RHOBTB3: variants seen among roughly 807,000 people sequenced by gnomAD.
The protein encoded by RHOBTB3 is rho-related BTB domain-containing protein 3.
Under a neutral mutation model 67.2 loss-of-function variants are expected in RHOBTB3, and 47 were observed. The observed-to-expected ratio is 0.70, with a 90% CI of 0.55 to 0.89. The LOEUF (loss-of-function observed/expected upper bound fraction) is 0.89. Among genes scored for constraint, RHOBTB3 ranks in the 40% least tolerant of loss-of-function variants. RHOBTB3 has a pLI of 0.00. For missense variants in RHOBTB3, 631 were observed against 750.0 expected (o/e 0.84, Z 1.85); for synonymous variants, 273 against 274.2 (o/e 1.00, Z 0.04).
chr5:95,775,181 C>T lies in RHOBTB3; in HGVS notation c.1283-5071C>T, dbSNP rs148049875. 3.9e-5 allele frequency among the ~76,000 whole-genome samples: 6 copies of T among 152,120 alleles called. No individual in the cohort carries two copies. In the East Asian group the frequency reaches 1.2e-3, roughly 29 times the overall value. On this transcript the variant is annotated intron_variant, in intron 8 of 11. Transcript: ENST00000379982. ...GCATTCTCTCATGTATCCTATTTTA[C>T]ATTCTTGTCATTATCTGAAAACTTA...
intron 3 of RHOBTB3, among the ~76,000 whole-genome samples, chr5:95,746,435 A>G (rs1744916725): frequency 1.3e-5 from 2 of 152,134 alleles, no homozygotes; most frequent in African/African-American, 2.4e-5. Context: ...CTGTTTAGGA[A>G]GGCTTTGTGA....
intron 1 of RHOBTB3, among the ~76,000 whole-genome samples, chr5:95,720,560 A>G (rs1214138694): frequency 6.6e-6 from 1 of 152,000 alleles, no homozygotes; most frequent in Non-Finnish European, 1.5e-5. Context: ...AGACTGTTCC[A>G]TTTCAAGGCT....
chr5:95,781,384 A>G (rs140727193), intron 9 of RHOBTB3: 4 of 152,376 alleles, frequency 2.6e-5, no homozygotes, highest in African/African-American at 9.6e-5. Context: ...TAGAATGGAA[A>G]GGTTTCTTAC....
intron 2 of RHOBTB3, chr5:95,732,307 G>A: frequency 1.6e-6 from 1 of 609,514 alleles, no homozygotes; most frequent in East Asian, 2.7e-5. Flanking sequence ...GTGGGAATGT[G>A]GAGCACTTAC....
intron 8 of RHOBTB3, among the ~76,000 whole-genome samples, chr5:95,774,295 T>G (rs570162322): frequency 6.6e-6 from 1 of 152,284 alleles, no homozygotes; most frequent in Non-Finnish European, 1.5e-5. Context: ...ACAATCACAG[T>G]TTGATTTTGG....
upstream of RHOBTB3, chr5:95,731,267 A>T: frequency 9.9e-7 from 1 of 1,010,266 alleles, no homozygotes; most frequent in Non-Finnish European, 1.2e-6. Flanking sequence ...CGGTCCGCTG[A>T]GGGGGCGGAG....
rs1745157398 is a variant in RHOBTB3 at position 95,753,598 on chromosome 5, A to T, written c.682+1248A>T. Reference sequence around the variant, plus strand: ...CCACATATATATATAAATGATACACACTTGGCTTTTAATTTCCTGGTGTGC... The same window carrying T: ...CCACATATATATATAAATGATACACTCTTGGCTTTTAATTTCCTGGTGTGC... On this transcript the variant is annotated intron_variant, in intron 5 of 11. Coordinates refer to ENST00000379982, the MANE Select transcript of RHOBTB3 (RefSeq NM_014899.4). 2.0e-5 allele frequency among the ~76,000 whole-genome samples: 3 copies of T among 152,202 alleles called. No individual in the cohort carries two copies. The South Asian group carries it at 6.2e-4, about 31-fold the overall frequency.
At chr5:95,766,043 C>T (rs987915223) in intron 7 of RHOBTB3, among the ~76,000 whole-genome samples, 2 of 152,068 alleles carry the variant, frequency 1.3e-5, no homozygotes, top group East Asian at 1.9e-4. Context: ...ATGTGTATGA[C>T]GGTTATGTTG....
At chr5:95,731,018 C>A (rs1398235321), upstream of RHOBTB3, 4 of 854,894 alleles carry the variant, frequency 4.7e-6, no homozygotes, top group Non-Finnish European at 6.5e-6. Context: ...GGGGCCCCAT[C>A]GCCCCACCCC....
At chr5:95,783,512 G>A (rs182637712) in intron 9 of RHOBTB3, 169 of 156,726 alleles carry the variant, frequency 1.1e-3, no homozygotes, top group Non-Finnish European at 1.7e-3. Flanking sequence ...GATCATTTGA[G>A]CTCAGGAGTT....
intron 2 of RHOBTB3, chr5:95,732,412 A>G (rs1755313596): frequency 1.8e-6 from 1 of 551,128 alleles, no homozygotes; most frequent in East Asian, 2.9e-5. Flanking sequence ...TTCATCAGCA[A>G]AAAGCAGTGT....
At chr5:95,783,263 A>T (rs964520687) in intron 9 of RHOBTB3, among the ~76,000 whole-genome samples, 1 of 151,638 alleles carries the variant, frequency 6.6e-6, no homozygotes, top group Non-Finnish European at 1.5e-5. Context: ...CTGGGACTAC[A>T]GGCGCCCGCC....
chr5:95,758,745 G>A (rs1425003737), intron 6 of RHOBTB3, among the ~76,000 whole-genome samples: 3 of 152,178 alleles, frequency 2.0e-5, no homozygotes, highest in Non-Finnish European at 2.9e-5. Context: ...GATCATCTGA[G>A]GATCTTGTTC....
rs1042511013 is a variant in RHOBTB3, at chr5:95,741,345, GA to G, written c.415+4280del. 9.5e-4 allele frequency among the ~76,000 whole-genome samples: 135 copies of G among 142,626 alleles called. 1 individual carries two copies. Among genetic ancestry groups the G allele is most frequent in the Admixed American group, 6.1e-3 (88 of 14,318 alleles). 93.6% of individuals were successfully genotyped at this position (142,626 alleles called of 152,430 possible). A position where few individuals can be genotyped will look rare whatever the true frequency, so the allele number is the denominator to read the frequency against. ...TCTGACTAAAAAAAAAAAAAGAAAA[GA>G]AAAAAAAAAGAGATAGAATCCATAT... On this transcript the variant is annotated intron_variant, in intron 3 of 11. Coordinates refer to ENST00000379982, the MANE Select transcript of RHOBTB3 (RefSeq NM_014899.4).
At position 95,731,480 on chromosome 5, in the gene RHOBTB3, C is replaced by T. The variant is rs1401131528; in HGVS notation, c.-203C>T. The T allele has an allele frequency of 8.2e-7, 1 of 1,226,972 alleles. No individual in the cohort carries two copies. Among genetic ancestry groups the T allele is most frequent in the Non-Finnish European group, 1.0e-6 (1 of 987,708 alleles). The allele number at this position is 1,226,972 out of a possible 1,614,324, so 76.0% of individuals were successfully genotyped here. A position where few individuals can be genotyped will look rare whatever the true frequency, so the allele number is the denominator to read the frequency against. On this transcript the variant is annotated 5_prime_UTR_variant, in exon 1 of 12. Transcript: ENST00000379982. The stretch of plus-strand genomic sequence containing the variant: ...GTAGCGGCAGCTTATCCCCCGCCCG[C>T]TAGCCCGCCCTGGTCCCCGGCTCGC...
At chr5:95,762,942 A>G (rs1231347744) in intron 6 of RHOBTB3, among the ~76,000 whole-genome samples, 2 of 152,168 alleles carry the variant, frequency 1.3e-5, no homozygotes, top group South Asian at 2.1e-4. Context: ...GGCAAAGGAC[A>G]GTGGGGTGAT....
chr5:95,734,043 C>T (rs986767408), intron 2 of RHOBTB3, among the ~76,000 whole-genome samples: 2 of 152,102 alleles, frequency 1.3e-5, no homozygotes, highest in Non-Finnish European at 2.9e-5. Context: ...GAAACTAGCA[C>T]GTGTCAAGTT....
chr5:95,746,267 G>A (rs1369050397), intron 3 of RHOBTB3, among the ~76,000 whole-genome samples: 1 of 151,972 alleles, frequency 6.6e-6, no homozygotes, highest in Non-Finnish European at 1.5e-5. Context: ...TTTACATTAT[G>A]TTCACTTCAC....
chr5:95,773,447 G>C (rs1284787802), intron 8 of RHOBTB3, among the ~76,000 whole-genome samples: 1 of 151,724 alleles, frequency 6.6e-6, no homozygotes, highest in Non-Finnish European at 1.5e-5. Context: ...GCTCCTGAGA[G>C]TTGGGGAGGG....
Sources: allele counts gnomAD v4.1 joint callset (sites outside exome capture counted in the v4.1 genomes callset), GRCh38; gene constraint gnomAD v4.1.1; transcripts MANE v1.5; gene names NCBI Gene and HGNC (gene_info 2026-07-23, HGNC 2026-07-21).